PDLIM5: variants seen among roughly 807,000 people sequenced by gnomAD.
PDLIM5 encodes the protein PDZ and LIM domain protein 5.
In PDLIM5, 34 loss-of-function variants were observed where a neutral mutation model predicts 64.2. That is an observed-to-expected ratio of 0.53 (90% CI 0.40 to 0.71). PDLIM5 has a LOEUF of 0.71. PDLIM5 is among the 30% of genes least tolerant of loss of function. The pLI is 0.00. For synonymous variants in PDLIM5, 253 were observed against 269.1 expected (o/e 0.94, Z 0.59); for missense variants, 683 against 733.6 (o/e 0.93, Z 0.80).
At chr4:94,577,715 C>T (rs1735414867) in intron 5 of PDLIM5, among the ~76,000 whole-genome samples, 1 of 151,140 alleles carries the variant, frequency 6.6e-6, no homozygotes, top group Non-Finnish European at 1.5e-5. Context: ...CAGAAGTTTA[C>T]CATGTTTATT....
At chr4:94,455,700 T>C in intron 2 of PDLIM5, 2 of 1,237,170 alleles carry the variant, frequency 1.6e-6, no homozygotes, top group Non-Finnish European at 2.3e-6. Context: ...TTCTTTCATA[T>C]ATAATTTTCA....
intron 3 of PDLIM5, among the ~76,000 whole-genome samples, chr4:94,557,741 T>A (rs1733478290): frequency 1.3e-5 from 2 of 152,172 alleles, no homozygotes; most frequent in African/African-American, 4.8e-5. Flanking sequence ...GCTTGTGGTT[T>A]TTGTACATTG....
intron 3 of PDLIM5, among the ~76,000 whole-genome samples, chr4:94,550,708 A>C (rs2110209170): frequency 6.6e-6 from 1 of 152,306 alleles, no homozygotes; most frequent in South Asian, 2.1e-4. Context: ...GTGGTGGTCA[A>C]CTGTAATTAT....
rs1220648461 is a variant in PDLIM5, at chr4:94,494,434, T to G, written c.97-29290T>G. Among the ~76,000 whole-genome samples the G allele has an allele frequency of 2.9e-4, 13 of 44,558 alleles. No individual in the cohort carries two copies. The East Asian group carries it at 3.4e-3, about 12-fold the overall frequency. The allele number at this position is 44,558 out of a possible 152,430, so 29.2% of individuals were successfully genotyped here. ...CATTCACTAATTTTTTTTTTCTTGTTTTTTTTTTTTTTTTTTTTTTTTGAG... is the reference window on the plus strand; with the variant it reads ...CATTCACTAATTTTTTTTTTCTTGTGTTTTTTTTTTTTTTTTTTTTTTGAG... On this transcript the variant is annotated intron_variant, in intron 2 of 12. Coordinates refer to ENST00000317968, the MANE Select transcript of PDLIM5 (RefSeq NM_006457.5).
At chr4:94,456,374 T>A (rs1560626800) in intron 2 of PDLIM5, 1 of 648,776 alleles carries the variant, frequency 1.5e-6, no homozygotes, top group Admixed American at 2.4e-5. Flanking sequence ...AATTTTGTAT[T>A]TTTAGTAGAG....
chr4:94,609,519 T>C (rs1475108856), intron 7 of PDLIM5, among the ~76,000 whole-genome samples: 1 of 152,212 alleles, frequency 6.6e-6, no homozygotes, highest in Non-Finnish European at 1.5e-5. Context: ...AATATGGAAC[T>C]CAGCAGAAAA....
chr4:94,666,688 TAA>T lies in PDLIM5; in HGVS notation c.*2623_*2624del, dbSNP rs1426344602. 1 of 152,298 alleles carries T rather than the reference TAA, an allele frequency of 6.6e-6. No homozygotes were observed. The highest frequency in any genetic ancestry group is 6.5e-5 in the Admixed American group (1 of 15,284). The allele number at this position is 152,298 out of a possible 1,614,324, so 9.4% of individuals were successfully genotyped here. ...AATTTTATTTGACCCAGATTTCTTA[TAA>T]AGTTATCTTACATTAAGGATGTCAT... is the stretch of plus-strand genomic sequence containing the variant. On this transcript the variant is annotated 3_prime_UTR_variant, in exon 13 of 13. Transcript: ENST00000317968.
rs547545346 is a variant in PDLIM5, at chr4:94,541,196, C to A, written c.248+17321C>A. On this transcript the variant is annotated intron_variant, in intron 3 of 12. Coordinates refer to ENST00000317968, the MANE Select transcript of PDLIM5 (RefSeq NM_006457.5). ...GATACTTAGTATCTCCTAACATACA[C>A]CACTTCCCAATTTTCCAATGTCTTG... 1.6e-4 allele frequency among the ~76,000 whole-genome samples: 25 copies of A among 152,248 alleles called. 1 individual carries two copies. The South Asian group carries it at 4.1e-3, about 25-fold the overall frequency.
chr4:94,633,214 A>T (rs1427589259), intron 8 of PDLIM5, among the ~76,000 whole-genome samples: 1 of 152,174 alleles, frequency 6.6e-6, no homozygotes, highest in African/African-American at 2.4e-5. Context: ...TTAATGAAAC[A>T]TGATCAATTA....
At chr4:94,544,777 TC>T (rs1414667038) in intron 3 of PDLIM5, among the ~76,000 whole-genome samples, 52 of 152,292 alleles carry the variant, frequency 3.4e-4, no homozygotes, top group African/African-American at 1.2e-3. Flanking sequence ...TGCCTCAGCC[TC>T]CCGAGTAGCT....
At chr4:94,602,081 T>C (rs954465402) in intron 7 of PDLIM5, among the ~76,000 whole-genome samples, 1 of 152,238 alleles carries the variant, frequency 6.6e-6, no homozygotes, top group Non-Finnish European at 1.5e-5. Context: ...AAGTTTGCTT[T>C]GTGGAAGTAG....
At chr4:94,535,835 CTTTT>C (rs10590994) in intron 3 of PDLIM5, among the ~76,000 whole-genome samples, 1,275 of 122,992 alleles carry the variant, frequency 0.01, 33 homozygotes, top group African/African-American at 0.036. Context: ...ATAAGGTCCT[CTTTT>C]TTTTTTTTTT....
rs1440459588 is a variant in PDLIM5 at position 94,667,657 on chromosome 4, A to G, written c.*3590A>G. On this transcript the variant is annotated 3_prime_UTR_variant, in exon 13 of 13. Coordinates refer to ENST00000317968, the MANE Select transcript of PDLIM5 (RefSeq NM_006457.5). ...AACTATAGTACCGTGTTTATTTCCT[A>G]TTAATTCAGGTTCCGTTTAGAGTCT... The G allele has an allele frequency of 3.9e-5, 6 of 152,198 alleles. No individual in the cohort carries two copies. The highest frequency in any genetic ancestry group is 1.9e-4 in the East Asian group (1 of 5,196). The allele number at this position is 152,198 out of a possible 1,614,324, so 9.4% of individuals were successfully genotyped here.
chr4:94,633,795 A>T (rs76353188), intron 8 of PDLIM5, among the ~76,000 whole-genome samples: 3,747 of 152,250 alleles, frequency 0.025, 158 homozygotes, highest in East Asian at 0.15. Flanking sequence ...ACTGCTGAGG[A>T]ATATTGGAAC....
Position 94,558,647 on chromosome 4 carries a change from T to A in PDLIM5, c.249-14704T>A, listed in dbSNP as rs573605259. Reference sequence around the variant, plus strand: ...TTTATTTGTTTTATATACTGAACCTTGAATTATATTCAAGTATGACTAAGG... The same window carrying A: ...TTTATTTGTTTTATATACTGAACCTAGAATTATATTCAAGTATGACTAAGG... On this transcript the variant is annotated intron_variant, in intron 3 of 12. Transcript: ENST00000317968. Among the ~76,000 whole-genome samples the A allele has an allele frequency of 1.5e-4, 23 of 152,306 alleles. No homozygotes were observed. In the South Asian group the frequency reaches 4.8e-3, roughly 32 times the overall value.
intron 3 of PDLIM5, among the ~76,000 whole-genome samples, chr4:94,566,256 A>C (rs2110256598): frequency 6.6e-6 from 1 of 152,330 alleles, no homozygotes; most frequent in Admixed American, 6.5e-5. Context: ...ATTTAAAATG[A>C]GAACATACTA....
At chr4:94,628,831 T>G (rs1158424077) in intron 8 of PDLIM5, among the ~76,000 whole-genome samples, 1 of 152,208 alleles carries the variant, frequency 6.6e-6, no homozygotes, top group Non-Finnish European at 1.5e-5. Context: ...TTAAATATAT[T>G]CTAAGCTTAC....
chr4:94,537,472 G>A (rs557672494), intron 3 of PDLIM5, among the ~76,000 whole-genome samples: 25 of 152,240 alleles, frequency 1.6e-4, no homozygotes, highest in African/African-American at 5.8e-4. Context: ...TACATTTGAA[G>A]AGGATTTAAA....
At chr4:94,585,923 G>A (rs1446528592) in intron 6 of PDLIM5, among the ~76,000 whole-genome samples, 186 bp downstream of exon 6, 1 of 152,164 alleles carries the variant, frequency 6.6e-6, no homozygotes, top group African/African-American at 2.4e-5. Flanking sequence ...TGTAATCCCA[G>A]CGCTTTGGGA....
Sources: allele counts gnomAD v4.1 joint callset (sites outside exome capture counted in the v4.1 genomes callset), GRCh38; gene constraint gnomAD v4.1.1; transcripts MANE v1.5; gene names NCBI Gene and HGNC (gene_info 2026-07-23, HGNC 2026-07-21).